ATL2: variants seen among roughly 807,000 people sequenced by gnomAD.
The protein encoded by ATL2 is atlastin GTPase 2, also known as atlastin-2.
ATL2 carries 31 observed loss-of-function variants against 73.9 expected under a neutral mutation model. That is an observed-to-expected ratio of 0.42 (90% CI 0.32 to 0.57). The LOEUF (loss-of-function observed/expected upper bound fraction) is 0.57. Among genes scored for constraint, ATL2 ranks in the 20% least tolerant of loss-of-function variants. ATL2 has a pLI of 0.14. For missense variants in ATL2, 738 were observed against 702.6 expected, an observed-to-expected ratio of 1.05 and a Z score of -0.57; for synonymous variants, 291 against 237.5, an observed-to-expected ratio of 1.23 and a Z score of -2.07.
intron 2 of ATL2, among the ~76,000 whole-genome samples, chr2:38,335,676 T>C (rs1463220044): frequency 1.3e-5 from 2 of 151,692 alleles, no homozygotes; most frequent in East Asian, 1.9e-4. Context: ...TACTATAACA[T>C]ATATATATAT....
At chr2:38,363,784 A>G (rs182188691) in intron 1 of ATL2, among the ~76,000 whole-genome samples, 1 of 152,368 alleles carries the variant, frequency 6.6e-6, no homozygotes, top group African/African-American at 2.4e-5. Context: ...TAATTCAATA[A>G]TAACAGTCTT....
intron 1 of ATL2, chr2:38,376,238 C>T (rs1671956652): frequency 1.4e-6 from 2 of 1,459,070 alleles, no homozygotes; most frequent in South Asian, 2.7e-5. Flanking sequence ...AGATCAAACG[C>T]TAAACTCCTA....
At chr2:38,371,626 G>A (rs75772789) in intron 1 of ATL2, among the ~76,000 whole-genome samples, 16,558 of 152,122 alleles carry the variant, frequency 0.11, 2,966 homozygotes, top group African/African-American at 0.37. Flanking sequence ...GGCAGGGTGC[G>A]GTGGCTCATG....
chr2:38,348,551 T>A (rs1670156958), intron 1 of ATL2, among the ~76,000 whole-genome samples: 4 of 150,846 alleles, frequency 2.7e-5, no homozygotes, highest in South Asian at 2.1e-4. Context: ...AATGACCAAG[T>A]GTGGAGGTTG....
chr2:38,302,854 G>A (rs981271681), intron 9 of ATL2, among the ~76,000 whole-genome samples: 1 of 152,136 alleles, frequency 6.6e-6, no homozygotes, highest in Non-Finnish European at 1.5e-5. Flanking sequence ...AGGATGACAG[G>A]TACAAACAAG....
chr2:38,375,030 A>C (rs1426707720), intron 1 of ATL2, among the ~76,000 whole-genome samples: 1 of 152,240 alleles, frequency 6.6e-6, no homozygotes, highest in African/African-American at 2.4e-5. Context: ...AGATTTAATC[A>C]TATCTACAGA....
At chr2:38,323,349 GTTT>G (rs1229668962) in intron 2 of ATL2, among the ~76,000 whole-genome samples, 941 of 75,164 alleles carry the variant, frequency 0.013, 1 homozygote, top group African/African-American at 0.047. Flanking sequence ...ATCACCAGAA[GTTT>G]TTTTTTTTTT....
rs1671415479 is a variant in ATL2, at chr2:38,367,620, C to CAAA, written c.118+9522_118+9523insTTT. Among the ~76,000 whole-genome samples, 11 of 113,442 alleles carry CAAA rather than the reference C, an allele frequency of 9.7e-5. 1 individual carries two copies. The highest frequency in any genetic ancestry group is 1.3e-4 in the Non-Finnish European group (8 of 60,154). The allele number at this position is 113,442 out of a possible 152,430, so 74.4% of individuals were successfully genotyped here. On this transcript the variant is annotated intron_variant, in intron 1 of 12. Transcript: ENST00000378954. ...AAAAAAAAAAAAAAAAAAAAAACCG[C>CAAA]CCATTTAAAACAACTTTTTTTTTTT...
chr2:38,298,149 C>G lies in ATL2; in HGVS notation c.1627G>C (p.Glu543Gln). 1 of 1,610,678 alleles carries G rather than the reference C, an allele frequency of 6.2e-7. No homozygotes were observed. The highest frequency in any genetic ancestry group is 8.5e-7 in the Non-Finnish European group (1 of 1,178,136). Reference protein sequence around the residue: ...VIDQIAETLWEQVLKPLGDNL... With the variant: ...VIDQIAETLWQQVLKPLGDNL... ...ACCAAAAGATAGATACCAACCTGTTCCCATAGTGTTTCAGCAATCTGATCA... is the reference window on the plus strand; with the variant it reads ...ACCAAAAGATAGATACCAACCTGTTGCCATAGTGTTTCAGCAATCTGATCA... Residue 543 changes from glutamate to glutamine, a missense_variant, in exon 12 of 13, where the codon GAA becomes CAA. Physicochemically the swap from Glu to Gln is conservative, Grantham distance 29. Transcript: ENST00000378954.
At chr2:38,350,486 T>A (rs1670275522) in intron 1 of ATL2, among the ~76,000 whole-genome samples, 1 of 152,174 alleles carries the variant, frequency 6.6e-6, no homozygotes, top group African/African-American at 2.4e-5. Context: ...GAAGATTTCT[T>A]AGGGCAGTGA....
intron 1 of ATL2, among the ~76,000 whole-genome samples, chr2:38,356,277 G>A (rs1396567541): frequency 6.6e-6 from 1 of 151,582 alleles, no homozygotes; most frequent in Non-Finnish European, 1.5e-5. Context: ...GGAGTGCAAT[G>A]GTGCGATCTC....
intron 1 of ATL2, among the ~76,000 whole-genome samples, chr2:38,353,164 T>C (rs1023521424): frequency 3.1e-4 from 47 of 152,204 alleles, no homozygotes; most frequent in African/African-American, 9.2e-4. Flanking sequence ...AGACAAATGC[T>C]TTTAACCAGA....
intron 1 of ATL2, among the ~76,000 whole-genome samples, chr2:38,345,849 T>C (rs1240301581): frequency 6.6e-6 from 1 of 152,200 alleles, no homozygotes; most frequent in East Asian, 1.9e-4. Flanking sequence ...TGTTTTCTCA[T>C]CTGGAAAATG....
rs1216661551 is a variant in ATL2, at chr2:38,375,199, G to C, written c.118+1944C>G. Among the ~76,000 whole-genome samples the C allele has an allele frequency of 3.9e-5, 6 of 152,216 alleles. 1 individual carries two copies. The highest frequency in any genetic ancestry group is 8.8e-5 in the Non-Finnish European group (6 of 68,028). ...TTTGAAGCTATTTCTCCAGGAAGCA[G>C]AGGGAGACAAAGAGTTTCTACACAG... On this transcript the variant is annotated intron_variant, in intron 1 of 12. Coordinates refer to ENST00000378954, the MANE Select transcript of ATL2 (RefSeq NM_001135673.4).
intron 2 of ATL2, among the ~76,000 whole-genome samples, chr2:38,320,919 T>A (rs892885637): frequency 6.7e-6 from 1 of 148,940 alleles, no homozygotes; most frequent in Admixed American, 6.7e-5. Flanking sequence ...CTGAGGCAGG[T>A]GGATCACTTG....
intron 1 of ATL2, among the ~76,000 whole-genome samples, chr2:38,367,086 C>A (rs1370420219): frequency 6.6e-6 from 1 of 151,912 alleles, no homozygotes; most frequent in African/African-American, 2.4e-5. Flanking sequence ...TCCCAAAGTG[C>A]TGGGATTAAA....
At chr2:38,324,467 T>C (rs768081928) in intron 2 of ATL2, among the ~76,000 whole-genome samples, 1 of 152,198 alleles carries the variant, frequency 6.6e-6, no homozygotes, top group African/African-American at 2.4e-5. Flanking sequence ...TAACCACCAA[T>C]TGTATTTACT....
At chr2:38,321,069 C>T (rs1422389965) in intron 2 of ATL2, among the ~76,000 whole-genome samples, 1 of 151,590 alleles carries the variant, frequency 6.6e-6, no homozygotes, top group Non-Finnish European at 1.5e-5. Context: ...GGAGGAGAAT[C>T]GCTTGAACCC....
intron 2 of ATL2, among the ~76,000 whole-genome samples, chr2:38,323,195 A>T (rs1350386742): frequency 6.6e-6 from 1 of 152,170 alleles, no homozygotes; most frequent in Non-Finnish European, 1.5e-5. Context: ...CAAAAACACT[A>T]ATCTGATACT....
Sources: allele counts gnomAD v4.1 joint callset (sites outside exome capture counted in the v4.1 genomes callset), GRCh38; gene constraint gnomAD v4.1.1; transcripts MANE v1.5; gene names NCBI Gene and HGNC (gene_info 2026-07-23, HGNC 2026-07-21).